The following SCIMP variants were observed in gnomAD, a reference collection of about 807,000 sequenced individuals.
SCIMP encodes the protein SLP adapter and CSK-interacting membrane protein.
In SCIMP, 18 loss-of-function variants were observed where a neutral mutation model predicts 22.0. That is an observed-to-expected ratio of 0.82 (90% CI 0.56 to 1.21). The LOEUF is 1.21. Ranked by LOEUF, SCIMP falls within the 50% of genes most tolerant of loss-of-function variation. The probability of loss-of-function intolerance (pLI) is 0.00; values close to 1 mark genes in which losing one functional copy is unlikely to be tolerated. For synonymous variants in SCIMP, 53 were observed against 62.2 expected (o/e 0.85, Z 0.70); for missense variants, 155 against 171.2 (o/e 0.91, Z 0.53).
At chr17:5,222,854 G>A (rs2074618450) in intron 2 of SCIMP, among the ~76,000 whole-genome samples, 1 of 151,980 alleles carries the variant, frequency 6.6e-6, no homozygotes, top group Non-Finnish European at 1.5e-5. Context: ...TAGTAGAGAC[G>A]GGGTTTCGCC....
At chr17:5,211,567 C>T (rs1185256451) in intron 4 of SCIMP, among the ~76,000 whole-genome samples, 5 of 151,964 alleles carry the variant, frequency 3.3e-5, no homozygotes, top group Non-Finnish European at 7.4e-5. Context: ...GACCAGAGCC[C>T]AGTAGTCATA....
chr17:5,220,874 A>G (rs1013780042), intron 3 of SCIMP: 10 of 327,338 alleles, frequency 3.1e-5, no homozygotes, highest in South Asian at 1.2e-4. Context: ...CCTGGCCAAC[A>G]TGGCGAAACC....
At chr17:5,223,085 G>T (rs1309307234) in intron 2 of SCIMP, among the ~76,000 whole-genome samples, 1 of 152,204 alleles carries the variant, frequency 6.6e-6, no homozygotes, top group African/African-American at 2.4e-5. Context: ...CTTTCACCCA[G>T]ATGATTAGGG....
intron 1 of SCIMP, among the ~76,000 whole-genome samples, chr17:5,232,046 A>G (rs1408128930): frequency 2.8e-5 from 4 of 141,926 alleles, no homozygotes; most frequent in Non-Finnish European, 6.3e-5. Context: ...ACAGAGCGAG[A>G]CTCCGTCTCA....
chr17:5,227,258 T>C (rs2074656139), intron 1 of SCIMP, among the ~76,000 whole-genome samples: 1 of 150,006 alleles, frequency 6.7e-6, no homozygotes, highest in Non-Finnish European at 1.5e-5. Context: ...TTGGGCAACA[T>C]AGCAAGACCC....
At chr17:5,223,220 C>A (rs2074621371) in intron 2 of SCIMP, 113 bp downstream of exon 2, 4 of 1,170,272 alleles carry the variant, frequency 3.4e-6, no homozygotes, top group African/African-American at 1.5e-5. Context: ...GATGCTTAAT[C>A]CAAAATTCAG....
chr17:5,215,410 C>G, intron 3 of SCIMP: 1 of 158,714 alleles, frequency 6.3e-6, no homozygotes, highest in East Asian at 1.8e-4. Context: ...GTCAGGAGTT[C>G]AAGACCAGCC....
intron 1 of SCIMP, among the ~76,000 whole-genome samples, chr17:5,232,715 C>CT (rs10713853): frequency 1.3e-3 from 189 of 145,822 alleles, no homozygotes; most frequent in Middle Eastern, 3.5e-3. Context: ...CGTTCTTCTT[C>CT]TTTTTTTTTT....
chr17:5,211,006 A>G (rs371595282), intron 4 of SCIMP, 51 bp from the exon 5 acceptor site: 135 of 1,560,800 alleles, frequency 8.6e-5, no homozygotes, highest in Non-Finnish European at 1.1e-4. Flanking sequence ...GTGTTTTTAT[A>G]TTTTTGAAGG....
At chr17:5,211,954 A>G (rs2074528895) in intron 4 of SCIMP, among the ~76,000 whole-genome samples, 2 of 152,130 alleles carry the variant, frequency 1.3e-5, no homozygotes, top group African/African-American at 2.4e-5. Context: ...AGGTTGAGAC[A>G]GGAGAATTGC....
chr17:5,215,307 G>GTATT (rs899290607), intron 3 of SCIMP: 11 of 249,118 alleles, frequency 4.4e-5, no homozygotes, highest in Non-Finnish European at 7.8e-5. Context: ...GGCACCAGAT[G>GTATT]TATTTCTATT....
chr17:5,211,916 C>T (rs1273663190), intron 4 of SCIMP, among the ~76,000 whole-genome samples: 1 of 151,966 alleles, frequency 6.6e-6, no homozygotes, highest in East Asian at 1.9e-4. Flanking sequence ...GGCGTGATGG[C>T]GGGTGCCTAT....
chr17:5,214,809 C>T, intron 4 of SCIMP, 116 bp downstream of exon 4: 1 of 634,378 alleles, frequency 1.6e-6, no homozygotes, highest in Non-Finnish European at 2.7e-6. Flanking sequence ...CATTGCACTC[C>T]AGCCTGGGTG....
chr17:5,224,566 C>T (rs1010499923), intron 1 of SCIMP, among the ~76,000 whole-genome samples: 7 of 152,048 alleles, frequency 4.6e-5, no homozygotes, highest in African/African-American at 1.7e-4. Flanking sequence ...AAGCAATTCT[C>T]CTGCCTCAGC....
chr17:5,213,220 C>T (rs543657135), intron 4 of SCIMP: 418 of 983,114 alleles, frequency 4.3e-4, no homozygotes, highest in Admixed American at 5.0e-4. Context: ...CTATTGGGTG[C>T]GTCGGTACTT....
chr17:5,223,485 G>T (rs1250664743), intron 1 of SCIMP, 29 bp from the exon 2 acceptor site: 10 of 1,611,406 alleles, frequency 6.2e-6, no homozygotes, highest in Non-Finnish European at 8.5e-6. Flanking sequence ...GAAGAATGAG[G>T]TATGAATGAA....
intron 3 of SCIMP, among the ~76,000 whole-genome samples, chr17:5,216,200 A>AAAAT (rs372847208): frequency 2.8e-4 from 42 of 152,150 alleles, no homozygotes; most frequent in African/African-American, 6.3e-4. Flanking sequence ...ACCTTGTCTC[A>AAAAT]AAATAAATAA....
rs183301165 is a variant in SCIMP at position 5,220,859 on chromosome 17, A to T, written c.209+428T>A. 166 of 310,810 alleles carry T rather than the reference A, an allele frequency of 5.3e-4. No individual in the cohort carries two copies. In the Admixed American group the frequency reaches 5.9e-3, roughly 11 times the overall value. 19.3% of individuals were successfully genotyped at this position (310,810 alleles called of 1,614,324 possible). The stretch of plus-strand genomic sequence containing the variant: ...GATCACCTGAGGTCAGGAGTTTGAG[A>T]CCAGCCTGGCCAACATGGCGAAACC... On this transcript the variant is annotated intron_variant, in intron 3 of 4. Coordinates refer to ENST00000574081, the MANE Select transcript of SCIMP (RefSeq NM_207103.3).
At chr17:5,212,730 C>T (rs553482983) in intron 4 of SCIMP, among the ~76,000 whole-genome samples, 17 of 152,230 alleles carry the variant, frequency 1.1e-4, no homozygotes, top group Non-Finnish European at 2.4e-4. Flanking sequence ...ACCTGAAACA[C>T]AGCGCATGCT....
Sources: allele counts gnomAD v4.1 joint callset (sites outside exome capture counted in the v4.1 genomes callset), GRCh38; gene constraint gnomAD v4.1.1; transcripts MANE v1.5; gene names NCBI Gene and HGNC (gene_info 2026-07-23, HGNC 2026-07-21).